Variants in CCDC154 observed in about 807,000 individuals in gnomAD.
CCDC154 encodes the protein coiled-coil domain containing 154.
Under a neutral mutation model 87.5 loss-of-function variants are expected in CCDC154, and 91 were observed. The ratio of observed to expected loss-of-function variants is 1.04; its 90% confidence interval spans 0.88 to 1.24. The LOEUF is 1.24. Ranked by LOEUF, CCDC154 falls within the 50% of genes most tolerant of loss-of-function variation. CCDC154 has a pLI of 0.00. For missense variants in CCDC154, 903 were observed against 879.2 expected, an observed-to-expected ratio of 1.03 and a Z score of -0.34; for synonymous variants, 418 against 400.4, an observed-to-expected ratio of 1.04 and a Z score of -0.52.
intron 11 of CCDC154, chr16:1,437,614 C>T (rs980683740): frequency 1.7e-5 from 10 of 595,194 alleles, no homozygotes; most frequent in African/African-American, 3.9e-5. Context: ...GATGCTGGGC[C>T]GAGGCTGCTC....
At chr16:1,438,987 A>AG (rs1236978481) in intron 7 of CCDC154, 38 bp downstream of exon 7, 4 of 1,549,422 alleles carry the variant, frequency 2.6e-6, no homozygotes, top group Admixed American at 2.0e-5. Flanking sequence ...GCGTCTGGGA[A>AG]GGGGGGCAGG....
rs1370096128 is a variant in CCDC154 at position 1,438,684 on chromosome 16, C to G, written c.960G>C (p.Leu320=). 6 of 1,550,122 alleles carry G rather than the reference C, an allele frequency of 3.9e-6. No homozygotes were observed. The Admixed American group carries it at 9.8e-5, about 25-fold the overall frequency. The change falls in exon 9 of 17, where the codon CTG becomes CTC. Residue 320 remains leucine (L), a synonymous_variant. Coordinates refer to ENST00000389176, the MANE Select transcript of CCDC154 (RefSeq NM_001143980.3). ...CQGLDAAVAQ[L]TKFVQQNQAS... is the part of the protein sequence containing the mutation. The stretch of plus-strand genomic sequence containing the variant: ...CCTGGTTCTGCTGCACAAACTTGGT[C>G]AGCTGGGCCACGGCAGCATCCAGGC...
At chr16:1,435,818 G>A (rs894413396) in intron 14 of CCDC154, 151 bp downstream of exon 14, 9 of 672,136 alleles carry the variant, frequency 1.3e-5, no homozygotes, top group Admixed American at 2.6e-5. Context: ...AAGCCACCCC[G>A]CCTGGCCTCC....
In CCDC154 at chr16:1,436,745, C is replaced by A; in HGVS notation, c.1357G>T (p.Val453Leu). Residue 453 changes from valine (V) to leucine (L), a missense_variant, in exon 12 of 17, where the codon GTG (valine) becomes TTG (leucine). By Grantham distance (32) the Val-to-Leu change is conservative (BLOSUM62 1). Coordinates refer to ENST00000389176, the MANE Select transcript of CCDC154 (RefSeq NM_001143980.3). ...LEDLARWRKE[V>L]TEHLRGVREK... ...CGCACCCCTCGCAGGTGTTCGGTCA[C>A]CTCCTTCCGCCACCTGGCCAGGTCC... is the stretch of plus-strand genomic sequence containing the variant. 2 of 1,550,502 alleles carry A rather than the reference C, an allele frequency of 1.3e-6. No individual in the cohort carries two copies. Among genetic ancestry groups the A allele is most frequent in the Admixed American group, 2.0e-5 (1 of 51,016 alleles).
Position 1,438,748 on chromosome 16 carries a change from G to T in CCDC154, c.907-11C>A, listed in dbSNP as rs776593368. On this transcript the variant is annotated splice_polypyrimidine_tract_variant and intron_variant, in intron 8 of 16. Coordinates refer to ENST00000389176, the MANE Select transcript of CCDC154 (RefSeq NM_001143980.3). ...CAGGAGGTGGCTCTCCTGCCAGGGG[G>T]TGGAGGCCGCCCTGAGACCTGCACC... The T allele has an allele frequency of 1.9e-6, 3 of 1,548,726 alleles. No homozygotes were observed. Among genetic ancestry groups the T allele is most frequent in the Non-Finnish European group, 1.7e-6 (2 of 1,146,338 alleles).
In CCDC154 at chr16:1,435,190, C is replaced by T. The variant is rs905697130; in HGVS notation, c.1606-15G>A. The T allele has an allele frequency of 1.9e-6, 3 of 1,549,620 alleles. No individual in the cohort carries two copies. The highest frequency in any genetic ancestry group is 2.0e-5 in the Admixed American group (1 of 50,988). ...TGGTTCTGAAACTAAACATGGCCCCCATTTGGGCACAGACAGGGCCAGTCT... is the reference window on the plus strand; with the variant it reads ...TGGTTCTGAAACTAAACATGGCCCCTATTTGGGCACAGACAGGGCCAGTCT... On this transcript the variant is annotated splice_polypyrimidine_tract_variant and intron_variant, in intron 14 of 16. Coordinates refer to ENST00000389176, the MANE Select transcript of CCDC154 (RefSeq NM_001143980.3).
rs2038592721 is a variant in CCDC154 at position 1,444,469 on chromosome 16, TGCCCTC to T, written c.-153_-148del. 1.3e-6 allele frequency: 1 copy of T among 787,516 alleles called. No individual in the cohort carries two copies. The highest frequency in any genetic ancestry group is 1.7e-6 in the Non-Finnish European group (1 of 574,658). 48.8% of individuals were successfully genotyped at this position (787,516 alleles called of 1,614,324 possible). On this transcript the variant is annotated 5_prime_UTR_variant, in exon 1 of 17. Transcript: ENST00000389176. ...CTCTGGGCCTTGAGGGACGAGCTGC[TGCCCTC>T]GTCTGGCTGCCTTCTCAGGGTCCCC...
chr16:1,435,069 G>T lies in CCDC154; in HGVS notation c.1692+20C>A. The T allele has an allele frequency of 1.3e-6, 2 of 1,546,102 alleles. No individual in the cohort carries two copies. The highest frequency in any genetic ancestry group is 8.7e-7 in the Non-Finnish European group (1 of 1,144,672). On this transcript the variant is annotated intron_variant, in intron 15 of 16. Coordinates refer to ENST00000389176, the MANE Select transcript of CCDC154 (RefSeq NM_001143980.3). The stretch of plus-strand genomic sequence containing the variant: ...AGCGGGTGGGAGCTGGGCGGTGCCG[G>T]CCGGGCAAGGCCTCCTCACCAGCCG...
In CCDC154 at chr16:1,443,284, G is replaced by C. The variant is rs2038573691; in HGVS notation, c.432C>G (p.Asn144Lys). ...ACCTTTTGTCCAGGGCCTGCATCTG[G>C]TTCTGGAGACCAGAGAACTGCGAGG... is the stretch of plus-strand genomic sequence containing the variant. ...KEAPEFSGLQ[N>K]QMQALDKRLV... The change falls in exon 4 of 17, where the codon AAC (asparagine) becomes AAG (lysine). Residue 144 changes from asparagine (N) to lysine (K), a missense_variant. Coordinates refer to ENST00000389176, the MANE Select transcript of CCDC154 (RefSeq NM_001143980.3). 1 of 1,549,384 alleles carries C rather than the reference G, an allele frequency of 6.5e-7. No homozygotes were observed. Among genetic ancestry groups the C allele is most frequent in the East Asian group, 2.4e-5 (1 of 40,904 alleles).
At chr16:1,441,802 G>A (rs534224631) in intron 6 of CCDC154, among the ~76,000 whole-genome samples, 1 of 152,280 alleles carries the variant, frequency 6.6e-6, no homozygotes, top group Non-Finnish European at 1.5e-5. Context: ...ATGAGGTCTC[G>A]CTGTGTTGCC....
chr16:1,436,921 A>G (rs2038507289), intron 11 of CCDC154, 110 bp from the exon 12 acceptor site: 1 of 1,429,646 alleles, frequency 7.0e-7, no homozygotes, highest in Admixed American at 2.1e-5. Context: ...CCCCACTTCC[A>G]GCTCTGAGAC....
intron 16 of CCDC154, 43 bp from the exon 17 acceptor site, chr16:1,434,577 C>T: frequency 6.6e-7 from 1 of 1,514,624 alleles, no homozygotes; most frequent in Non-Finnish European, 8.8e-7. Flanking sequence ...CCCCGCCCCA[C>T]CCCCCATGGC....
Position 1,438,914 on chromosome 16 carries a change from C to T in CCDC154, c.807G>A (p.Leu269=), listed in dbSNP as rs917062002. 1.3e-6 allele frequency: 2 copies of T among 1,549,474 alleles called. No homozygotes were observed. The highest frequency in any genetic ancestry group is 3.9e-5 in the Admixed American group (2 of 50,922). The change falls in exon 8 of 17, where the codon CTG becomes CTA. Residue 269 remains leucine, a synonymous_variant. Transcript: ENST00000389176. ...KRMKASESSR[L]KLEGSLRGEL... Reference sequence around the variant, plus strand: ...CGCCCCGCAGGCTGCCCTCCAGCTTCAGCCGTGAGCTCTCCGAGGCCTTCA... The same window carrying T: ...CGCCCCGCAGGCTGCCCTCCAGCTTTAGCCGTGAGCTCTCCGAGGCCTTCA...
chr16:1,442,363 C>A, intron 6 of CCDC154, 43 bp downstream of exon 6: 1 of 1,515,938 alleles, frequency 6.6e-7, no homozygotes, highest in South Asian at 1.3e-5. Flanking sequence ...GTCTCCTCCT[C>A]GGCCCTCTGG....
rs545388073 is a variant in CCDC154 at position 1,434,487 on chromosome 16, C to T, written c.1925G>A (p.Arg642Lys). 337 of 1,549,930 alleles carry T rather than the reference C, an allele frequency of 2.2e-4. 4 individuals carry two copies. The South Asian group carries it at 3.7e-3, about 17-fold the overall frequency. ...GGGCTTCTCCAGGACCCCTCCTGGCCTCCGCAGGGCCCTGAGCTTTATGAG... is the reference window on the plus strand; with the variant it reads ...GGGCTTCTCCAGGACCCCTCCTGGCTTCCGCAGGGCCCTGAGCTTTATGAG... Reference protein sequence around the residue: ...ASLIKLRALRRPGGVLEKPHS... With the variant: ...ASLIKLRALRKPGGVLEKPHS... The change falls in exon 17 of 17, where the codon AGG becomes AAG. Residue 642 changes from arginine to lysine, a missense_variant. Coordinates refer to ENST00000389176, the MANE Select transcript of CCDC154 (RefSeq NM_001143980.3).
At chr16:1,441,135 G>C (rs2038548921) in intron 6 of CCDC154, among the ~76,000 whole-genome samples, 1 of 152,152 alleles carries the variant, frequency 6.6e-6, no homozygotes, top group Non-Finnish European at 1.5e-5. Flanking sequence ...AAAAACGAGT[G>C]TCGGCCTGGC....
chr16:1,443,386 C>A, intron 3 of CCDC154, 85 bp from the exon 4 acceptor site: 1 of 1,483,346 alleles, frequency 6.7e-7, no homozygotes, highest in Non-Finnish European at 9.0e-7. Context: ...TCCGGCACCA[C>A]TGGCCCCTGG....
chr16:1,434,981 C>G, intron 15 of CCDC154, 108 bp downstream of exon 15: 2 of 1,425,620 alleles, frequency 1.4e-6, no homozygotes, highest in South Asian at 2.6e-5. Context: ...CATGGCCAGA[C>G]ACTTGGACAG....
In CCDC154 at chr16:1,442,393, G is replaced by C. The variant is rs1443318420; in HGVS notation, c.675+13C>G. Reference sequence around the variant, plus strand: ...CTCTGGGCGGCCCCCCTGAAGCCTGGGCCTGGTGGTACCTGCATTCTGGCC... The same window carrying C: ...CTCTGGGCGGCCCCCCTGAAGCCTGCGCCTGGTGGTACCTGCATTCTGGCC... On this transcript the variant is annotated intron_variant, in intron 6 of 16. Transcript: ENST00000389176. 1 of 1,542,874 alleles carries C rather than the reference G, an allele frequency of 6.5e-7. No individual in the cohort carries two copies. The highest frequency in any genetic ancestry group is 1.2e-5 in the South Asian group (1 of 82,938).
Sources: gnomAD v4.1 joint callset for allele counts (sites outside exome capture counted in the v4.1 genomes callset) on GRCh38, gnomAD v4.1.1 for gene constraint, MANE v1.5 for transcripts, NCBI Gene and HGNC (gene_info 2026-07-23, HGNC 2026-07-21) for gene names.